Variants in TACC2 observed in about 807,000 individuals in gnomAD.
The protein encoded by TACC2 is transforming acidic coiled-coil containing protein 2.
A neutral mutation model predicts 227.3 loss-of-function variants in TACC2; 137 were observed. That is an observed-to-expected ratio of 0.60 (90% CI 0.52 to 0.69). The LOEUF is 0.69. TACC2 is among the 30% of genes least tolerant of loss of function. The pLI, the probability that TACC2 is intolerant of heterozygous loss-of-function variation, is 0.00. For missense variants in TACC2, 3,470 were observed against 3,694.4 expected, an observed-to-expected ratio of 0.94 and a Z score of 1.57; for synonymous variants, 1,523 against 1,487.5, an observed-to-expected ratio of 1.02 and a Z score of -0.55.
chr10:122,105,999 T>C (rs1292909956), intron 5 of TACC2, among the ~76,000 whole-genome samples: 1 of 150,552 alleles, frequency 6.6e-6, no homozygotes, highest in Non-Finnish European at 1.5e-5. Flanking sequence ...TTTTTTTTTT[T>C]TTTTTGAGAT....
chr10:122,196,945 A>C (rs1293730656), intron 8 of TACC2, among the ~76,000 whole-genome samples: 6 of 149,900 alleles, frequency 4.0e-5, no homozygotes, highest in East Asian at 2.0e-4. Flanking sequence ...AAAAAAAAAA[A>C]AAAAAACAAA....
Position 122,194,973 on chromosome 10 carries a change from G to A in TACC2, c.5835-67G>A, listed in dbSNP as rs2094517883. 9.8e-6 allele frequency: 15 copies of A among 1,530,492 alleles called. No individual in the cohort carries two copies. The highest frequency in any genetic ancestry group is 1.4e-5 in the African/African-American group (1 of 72,910). The allele number at this position is 1,530,492 out of a possible 1,614,324, so 94.8% of individuals were successfully genotyped here. A position where few individuals can be genotyped will look rare whatever the true frequency, so the allele number is the denominator to read the frequency against. ...GAACCCACTGGCTCTGGGTGCGAAG[G>A]CCACACCGGCTCAGCAGAACTGGCT... On this transcript the variant is annotated intron_variant, in intron 7 of 22. Coordinates refer to ENST00000369005, the MANE Select transcript of TACC2 (RefSeq NM_206862.4). This position sits in a 1 kb window ranked among gnomAD's most constrained non-coding sequence, Gnocchi z 4.4.
At chr10:122,056,841 A>G (rs1456352019) in intron 3 of TACC2, among the ~76,000 whole-genome samples, 2 of 152,022 alleles carry the variant, frequency 1.3e-5, no homozygotes, top group Non-Finnish European at 2.9e-5. Context: ...AGGGGTTGAG[A>G]TTTTTTCCTG....
chr10:122,159,976 T>C (rs2092721366), intron 7 of TACC2, among the ~76,000 whole-genome samples: 1 of 152,168 alleles, frequency 6.6e-6, no homozygotes. Context: ...TTTCTGACCA[T>C]GGCTCCGTCC....
Position 122,087,392 on chromosome 10 carries a change from C to T in TACC2, c.4892C>T (p.Thr1631Met), listed in dbSNP as rs180675951. ...TGVPGHVPRS[T>M]CAPSPQREVL... ...GTTCCAGGACATGTGCCAAGGTCCA[C>T]GTGTGCCCCTTCTCCTCAGAGGGAG... is the stretch of plus-strand genomic sequence containing the variant. The change falls in exon 4 of 23, where the codon ACG becomes ATG. Residue 1631 changes from threonine to methionine, a missense_variant. Around this residue, in one of 10 missense-constraint regions of TACC2, gnomAD observed 1,924 missense variants for 1,978.3 expected, o/e 0.97. Coordinates refer to ENST00000369005, the MANE Select transcript of TACC2 (RefSeq NM_206862.4). 2.4e-5 allele frequency: 38 copies of T among 1,614,062 alleles called. No homozygotes were observed. Among genetic ancestry groups the T allele is most frequent in the Admixed American group, 1.3e-4 (8 of 60,036 alleles).
intron 11 of TACC2, among the ~76,000 whole-genome samples, chr10:122,219,469 C>A (rs2095481935): frequency 6.6e-6 from 1 of 152,180 alleles, no homozygotes; most frequent in South Asian, 2.1e-4. Context: ...CCCTCAACGT[C>A]GTAGGGGCTA....
At chr10:122,054,164 A>T (rs889779951) in intron 3 of TACC2, among the ~76,000 whole-genome samples, 1 of 152,182 alleles carries the variant, frequency 6.6e-6, no homozygotes, top group Non-Finnish European at 1.5e-5. Context: ...AAAGTTCTTC[A>T]ATAGGAAGAG....
chr10:122,219,692 C>T (rs548640322), intron 11 of TACC2, among the ~76,000 whole-genome samples: 1 of 152,250 alleles, frequency 6.6e-6, no homozygotes, highest in East Asian at 1.9e-4. Flanking sequence ...GGTTACATCT[C>T]TTGAGCTTGG....
chr10:122,211,248 A>T lies in TACC2; in HGVS notation c.6823A>T (p.Ser2275Cys), dbSNP rs769391107. 15 of 1,614,146 alleles carry T rather than the reference A, an allele frequency of 9.3e-6. No homozygotes were observed. The Middle Eastern group carries it at 2.0e-3, about 213-fold the overall frequency. ...GTTTGACTATTCTGAGGACAAGAGT[A>T]GTTGGGACAACCAGCAGGAAAACCC... is the stretch of plus-strand genomic sequence containing the variant. Reference protein sequence around the residue: ...LEFDYSEDKSSWDNQQENPPP... With the variant: ...LEFDYSEDKSCWDNQQENPPP... Residue 2275 changes from serine (S) to cysteine (C), a missense_variant, in exon 9 of 23, where the codon AGT becomes TGT. Coordinates refer to ENST00000369005, the MANE Select transcript of TACC2 (RefSeq NM_206862.4).
At chr10:122,070,583 G>A (rs754242714) in intron 3 of TACC2, among the ~76,000 whole-genome samples, 1 of 152,020 alleles carries the variant, frequency 6.6e-6, no homozygotes, top group African/African-American at 2.4e-5. Flanking sequence ...GAGAAACCCC[G>A]TTTCTACTAA....
chr10:122,227,721 T>C, intron 13 of TACC2, 116 bp from the exon 14 acceptor site: 1 of 1,193,510 alleles, frequency 8.4e-7, no homozygotes, highest in Non-Finnish European at 1.2e-6. Context: ...ACCTGGCTCA[T>C]ATCCCTCTGG....
intron 1 of TACC2, among the ~76,000 whole-genome samples, chr10:122,011,315 T>G (rs1955896213): frequency 6.6e-6 from 1 of 152,070 alleles, no homozygotes; most frequent in Admixed American, 6.6e-5. Flanking sequence ...CTCTTATGTT[T>G]TTTGTTTGTT....
intron 2 of TACC2, among the ~76,000 whole-genome samples, chr10:122,027,677 G>A (rs2943761): frequency 0.51 from 77,387 of 151,464 alleles, 21,544 homozygotes; most frequent in African/African-American, 0.75. Context: ...TGTTTTTGCT[G>A]TTCTTGCACC....
At chr10:122,108,065 G>A (rs1248691014) in intron 5 of TACC2, among the ~76,000 whole-genome samples, 1 of 150,858 alleles carries the variant, frequency 6.6e-6, no homozygotes, top group African/African-American at 2.4e-5. Context: ...CTAATTTTTT[G>A]TATTTTTAGT....
At chr10:122,074,631 A>G (rs544778174) in intron 3 of TACC2, among the ~76,000 whole-genome samples, 2 of 152,260 alleles carry the variant, frequency 1.3e-5, no homozygotes, top group African/African-American at 4.8e-5. Context: ...GAGTGGGTCA[A>G]ATACAGGGAT....
chr10:122,136,882 TA>T (rs1037124175), intron 6 of TACC2, among the ~76,000 whole-genome samples: 5 of 151,664 alleles, frequency 3.3e-5, no homozygotes, highest in Non-Finnish European at 7.4e-5. Context: ...AAAAAAAATT[TA>T]AAAAAAAGTA....
At chr10:122,098,936 G>T (rs1187796072) in intron 5 of TACC2, among the ~76,000 whole-genome samples, 1 of 152,200 alleles carries the variant, frequency 6.6e-6, no homozygotes, top group African/African-American at 2.4e-5. Flanking sequence ...CACCCGTGGG[G>T]AATGCATTCC....
intron 2 of TACC2, among the ~76,000 whole-genome samples, chr10:122,044,801 GT>G (rs909592309): frequency 1.3e-5 from 2 of 151,804 alleles, no homozygotes; most frequent in Non-Finnish European, 2.9e-5. Flanking sequence ...GCTCTGGAGT[GT>G]TCCAGAGCCA....
chr10:122,213,953 C>T (rs532571446), intron 9 of TACC2, among the ~76,000 whole-genome samples: 1 of 152,318 alleles, frequency 6.6e-6, no homozygotes, highest in African/African-American at 2.4e-5. Context: ...TCCTCAGTCA[C>T]CCAGGACCTG....
Sources: allele counts gnomAD v4.1 joint callset (sites outside exome capture counted in the v4.1 genomes callset), GRCh38; gene constraint gnomAD v4.1.1; regional missense constraint gnomAD v4.1.1; non-coding constraint Gnocchi (gnomAD v3.1); transcripts MANE v1.5; gene names NCBI Gene and HGNC (gene_info 2026-07-23, HGNC 2026-07-21).